ADGRF5: variants seen among roughly 807,000 people sequenced by gnomAD.
The protein encoded by ADGRF5 is adhesion G protein-coupled receptor F5, also known as G-protein coupled receptor 116.
Under a neutral mutation model 132.3 loss-of-function variants are expected in ADGRF5, and 75 were observed. The observed-to-expected ratio is 0.57, with a 90% CI of 0.47 to 0.69. The LOEUF (loss-of-function observed/expected upper bound fraction) is 0.69, where lower values mean the gene tolerates loss of function less well. ADGRF5 is among the 30% of genes least tolerant of loss of function. ADGRF5 has a pLI of 0.00. For missense variants in ADGRF5, 1,516 were observed against 1,630.6 expected, an observed-to-expected ratio of 0.93 and a Z score of 1.21; for synonymous variants, 629 against 597.6, an observed-to-expected ratio of 1.05 and a Z score of -0.77.
intron 1 of ADGRF5, among the ~76,000 whole-genome samples, chr6:46,907,145 G>T (rs1775469441): frequency 6.6e-6 from 1 of 152,164 alleles, no homozygotes; most frequent in African/African-American, 2.4e-5. Context: ...TTCTATCATA[G>T]AGTATCTTTC....
intron 13 of ADGRF5, among the ~76,000 whole-genome samples, chr6:46,865,789 GT>G (rs1165228010): frequency 6.6e-6 from 1 of 152,040 alleles, no homozygotes. Context: ...AACTTCTACT[GT>G]TTTTTTAGTC....
intron 8 of ADGRF5, among the ~76,000 whole-genome samples, chr6:46,880,359 A>T (rs982736433): frequency 7.2e-4 from 3 of 4,164 alleles, no homozygotes; most frequent in Non-Finnish European, 2.2e-3. Context: ...ATTTTTTTAT[A>T]AAAAAAAAAC....
chr6:46,885,925 C>A (rs220662), intron 4 of ADGRF5, among the ~76,000 whole-genome samples: 136,732 of 152,296 alleles, frequency 0.9, 61,585 homozygotes, highest in African/African-American at 0.96. Flanking sequence ...CAGATAATAA[C>A]TGTTTGTTAT....
chr6:46,862,077 A>G (rs542858601), intron 15 of ADGRF5, among the ~76,000 whole-genome samples: 2 of 152,320 alleles, frequency 1.3e-5, no homozygotes, highest in East Asian at 3.9e-4. Context: ...CTTTGCACAT[A>G]GTAGAGATTT....
intron 1 of ADGRF5, among the ~76,000 whole-genome samples, chr6:46,927,054 T>G (rs1777286739): frequency 6.6e-6 from 1 of 152,134 alleles, no homozygotes; most frequent in Non-Finnish European, 1.5e-5. Flanking sequence ...CAAAGCCCTG[T>G]CCTCACAATA....
chr6:46,945,019 C>G (rs757906647), intron 1 of ADGRF5, among the ~76,000 whole-genome samples: 6 of 152,166 alleles, frequency 3.9e-5, no homozygotes, highest in African/African-American at 1.2e-4. Context: ...TCTGCAGGTG[C>G]GCTGTGGAAA....
chr6:46,897,012 C>A, intron 3 of ADGRF5, among the ~76,000 whole-genome samples: 1 of 151,964 alleles, frequency 6.6e-6, no homozygotes, highest in Non-Finnish European at 1.5e-5. Flanking sequence ...TCAGCATATG[C>A]ACATTTTGGT....
chr6:46,932,420 G>A (rs1200237310), intron 1 of ADGRF5, among the ~76,000 whole-genome samples: 2 of 152,050 alleles, frequency 1.3e-5, no homozygotes, highest in Admixed American at 6.6e-5. Flanking sequence ...CAGTTGGTAG[G>A]ATATATACTG....
Position 46,868,807 on chromosome 6 carries a change from C to G in ADGRF5, c.1621+76G>C, listed in dbSNP as rs1770742335. 38 of 915,774 alleles carry G rather than the reference C, an allele frequency of 4.1e-5. No individual in the cohort carries two copies. In the South Asian group the frequency reaches 5.6e-4, roughly 13 times the overall value. 56.7% of individuals were successfully genotyped at this position (915,774 alleles called of 1,614,324 possible). A position where few individuals can be genotyped will look rare whatever the true frequency, so the allele number is the denominator to read the frequency against. On this transcript the variant is annotated intron_variant, in intron 12 of 20. Coordinates refer to ENST00000283296, the MANE Select transcript of ADGRF5 (RefSeq NM_001098518.2). ...GCATAGGCATGTCTCAAAGAAGACCCTACACAGATGGTAACTATTATTGCA... is the reference window on the plus strand; with the variant it reads ...GCATAGGCATGTCTCAAAGAAGACCGTACACAGATGGTAACTATTATTGCA...
chr6:46,939,909 G>T (rs1777986456), intron 1 of ADGRF5, among the ~76,000 whole-genome samples: 1 of 152,158 alleles, frequency 6.6e-6, no homozygotes, highest in Non-Finnish European at 1.5e-5. Flanking sequence ...CTACTAGAAT[G>T]ATTATAAAAT....
chr6:46,855,144 C>G (rs1197948488), intron 20 of ADGRF5, among the ~76,000 whole-genome samples: 1 of 152,178 alleles, frequency 6.6e-6, no homozygotes, highest in Admixed American at 6.5e-5. Context: ...GTTATTAATT[C>G]CATTCATTTC....
At chr6:46,917,565 G>A (rs1347797051) in intron 1 of ADGRF5, among the ~76,000 whole-genome samples, 1 of 152,140 alleles carries the variant, frequency 6.6e-6, no homozygotes, top group Non-Finnish European at 1.5e-5. Flanking sequence ...AACTAAATGG[G>A]TTAACAATCA....
intron 3 of ADGRF5, among the ~76,000 whole-genome samples, chr6:46,898,078 T>C (rs1774371315): frequency 6.6e-6 from 1 of 152,200 alleles, no homozygotes; most frequent in Non-Finnish European, 1.5e-5. Context: ...GTCATGATTG[T>C]TTTTAATGAA....
At chr6:46,919,404 G>A (rs1383736320) in intron 1 of ADGRF5, among the ~76,000 whole-genome samples, 2 of 152,190 alleles carry the variant, frequency 1.3e-5, no homozygotes, top group Non-Finnish European at 2.9e-5. Context: ...GGTGAAAGAA[G>A]AGGCATAAAA....
At chr6:46,913,780 C>T (rs1169446027) in intron 1 of ADGRF5, among the ~76,000 whole-genome samples, 1 of 152,206 alleles carries the variant, frequency 6.6e-6, no homozygotes, top group East Asian at 1.9e-4. Flanking sequence ...AGCTGCTTAG[C>T]TTTCACGTCC....
At chr6:46,896,904 T>A (rs1458762232) in intron 3 of ADGRF5, among the ~76,000 whole-genome samples, 4 of 152,114 alleles carry the variant, frequency 2.6e-5, no homozygotes, top group Non-Finnish European at 2.9e-5. Context: ...AGCATTTACA[T>A]TGTACTAGGT....
Position 46,858,654 on chromosome 6 carries a change from C to T in ADGRF5, c.3249G>A (p.Lys1083=). Residue 1083 remains lysine (K), a synonymous_variant, in exon 17 of 21, where the codon AAG becomes AAA. Coordinates refer to ENST00000283296, the MANE Select transcript of ADGRF5 (RefSeq NM_001098518.2). ...AIQDNRYILC[K]TACVAATFFI... is the part of the protein sequence containing the mutation. Reference sequence around the variant, plus strand: ...AGAAGGTGGCAGCCACACAGGCTGTCTTGCAGAGTATGTAGCGATTGTCCT... The same window carrying T: ...AGAAGGTGGCAGCCACACAGGCTGTTTTGCAGAGTATGTAGCGATTGTCCT... The T allele has an allele frequency of 1.9e-6, 3 of 1,614,154 alleles. No homozygotes were observed. Among genetic ancestry groups the T allele is most frequent in the Non-Finnish European group, 2.5e-6 (3 of 1,180,032 alleles).
At chr6:46,896,701 T>C (rs1774217857) in intron 3 of ADGRF5, among the ~76,000 whole-genome samples, 1 of 151,684 alleles carries the variant, frequency 6.6e-6, no homozygotes, top group Non-Finnish European at 1.5e-5. Flanking sequence ...ATGTGATACA[T>C]ATATATGTGA....
chr6:46,896,078 G>A (rs113257896), intron 3 of ADGRF5, among the ~76,000 whole-genome samples: 119 of 152,296 alleles, frequency 7.8e-4, no homozygotes, highest in African/African-American at 2.8e-3. Context: ...CTCCATGGCA[G>A]AGTCGCATGT....
Sources: allele counts gnomAD v4.1 joint callset (sites outside exome capture counted in the v4.1 genomes callset), GRCh38; gene constraint gnomAD v4.1.1; transcripts MANE v1.5; gene names NCBI Gene and HGNC (gene_info 2026-07-23, HGNC 2026-07-21).